CASK: variants seen among roughly 807,000 people sequenced by gnomAD.
CASK encodes the protein calcium/calmodulin dependent serine protein kinase, also known as peripheral plasma membrane protein CASK.
A neutral mutation model predicts 82.9 loss-of-function variants in CASK; 4 were observed. The observed-to-expected ratio is 0.05, with a 90% confidence interval of 0.02 to 0.11. The LOEUF (loss-of-function observed/expected upper bound fraction) is 0.11, where lower values mean the gene tolerates loss of function less well. Ranked by LOEUF, CASK falls within the 10% of genes least tolerant of loss-of-function variation. The pLI is 1.00. For missense variants in CASK, 358 were observed against 720.9 expected (o/e 0.50, Z 5.76); for synonymous variants, 259 against 253.5 (o/e 1.02, Z -0.20).
intron 1 of CASK, 123 bp from the exon 2 acceptor site, chrX:41,853,350 A>G (rs923382810): frequency 8.9e-5 from 36 of 404,941 alleles, no homozygotes; most frequent in Non-Finnish European, 9.8e-5. Flanking sequence ...TTAGACTCCA[A>G]ATTGAACACA....
chrX:41,668,825 C>G (rs930557240), intron 6 of CASK, among the ~76,000 whole-genome samples: 6 of 110,197 alleles, frequency 5.4e-5, no homozygotes, highest in Admixed American at 2.9e-4. Context: ...ACTGCAGCCT[C>G]TGCCTCCCGG....
At chrX:41,597,494 G>A (rs2065837298) in intron 12 of CASK, among the ~76,000 whole-genome samples, 1 of 112,485 alleles carries the variant, frequency 8.9e-6, no homozygotes, top group African/African-American at 3.2e-5. Context: ...TAATAACAGT[G>A]TGCACGGAAT....
intron 4 of CASK, chrX:41,743,810 T>C (rs1157869771): frequency 7.0e-6 from 2 of 287,637 alleles, no homozygotes; most frequent in East Asian, 9.7e-5. Context: ...TAAAAAGTTT[T>C]CATAAATCCT....
chrX:41,620,927 A>G lies in CASK; in HGVS notation c.1033+1690T>C, dbSNP rs1351973000. Among the ~76,000 whole-genome samples the G allele has an allele frequency of 3.6e-5, 4 of 111,970 alleles. No individual in the cohort carries two copies. The Admixed American group carries it at 3.8e-4, about 11-fold the overall frequency. ...ATTCTGTCAGCGTATAGATGTTATA[A>G]TCTCTAATGCCATTATGATTATTAA... On this transcript the variant is annotated intron_variant, in intron 11 of 26. Coordinates refer to ENST00000378163, the MANE Select transcript of CASK (RefSeq NM_001367721.1).
At chrX:41,872,192 G>A (rs760648053) in intron 1 of CASK, among the ~76,000 whole-genome samples, 18 of 112,783 alleles carry the variant, frequency 1.6e-4, no homozygotes, top group South Asian at 1.1e-3. Flanking sequence ...AATATTTACC[G>A]TCTGGCACTT....
intron 1 of CASK, among the ~76,000 whole-genome samples, chrX:41,906,765 T>C (rs1261491684): frequency 2.7e-5 from 3 of 112,669 alleles, no homozygotes; most frequent in African/African-American, 9.7e-5. Flanking sequence ...AATGAGGAGG[T>C]TGTTCAGATG....
At position 41,809,095 on chromosome X, in the gene CASK, C is replaced by T. The variant is rs752088154; in HGVS notation, c.173-21812G>A. Among the ~76,000 whole-genome samples, 24 of 112,352 alleles carry T rather than the reference C, an allele frequency of 2.1e-4. No individual in the cohort carries two copies. In the East Asian group the frequency reaches 5.9e-3, roughly 28 times the overall value. ...GTAGGTAAACAAAGCGGCCAGGAAG[C>T]TCAAACTGGGTGGAGCCCACCGCAG... On this transcript the variant is annotated intron_variant, in intron 2 of 26. Coordinates refer to ENST00000378163, the MANE Select transcript of CASK (RefSeq NM_001367721.1).
chrX:41,671,374 C>T lies in CASK; in HGVS notation c.532+54G>A, dbSNP rs2067195509. On this transcript the variant is annotated intron_variant, in intron 6 of 26. Coordinates refer to ENST00000378163, the MANE Select transcript of CASK (RefSeq NM_001367721.1). ...TAATATGTAGCTTGAAAGTTTTATA[C>T]CAGTCGCAAGTGACCAGGTTTTGAA... 2.5e-5 allele frequency: 18 copies of T among 728,163 alleles called. No individual in the cohort carries two copies. The South Asian group carries it at 3.9e-4, about 16-fold the overall frequency. 60.0% of individuals were successfully genotyped at this position (728,163 alleles called of 1,213,427 possible).
chrX:41,612,589 A>C (rs1362058154), intron 11 of CASK, among the ~76,000 whole-genome samples: 2 of 65,525 alleles, frequency 3.1e-5, no homozygotes, highest in East Asian at 6.1e-4. Context: ...GCCTCTGCCC[A>C]GCCGCCCCTA....
intron 16 of CASK, 141 bp downstream of exon 16, chrX:41,569,527 C>T: frequency 2.2e-6 from 1 of 449,861 alleles, no homozygotes; most frequent in Non-Finnish European, 3.9e-6. Flanking sequence ...GGATTGCTTG[C>T]ACTTAGGAGC....
chrX:41,878,070 C>T (rs866733608), intron 1 of CASK, among the ~76,000 whole-genome samples: 5 of 109,684 alleles, frequency 4.6e-5, no homozygotes, highest in East Asian at 2.8e-4. Flanking sequence ...GTGTTTTAAG[C>T]GAAATAAGTA....
chrX:41,900,047 G>GT lies in CASK; in HGVS notation c.59+22882dup, dbSNP rs749129389. Reference sequence around the variant, plus strand: ...ACATGGTTGGCAGGTTTTTTGTTTTGTTTTTTTTTTTTTTCTTTCAGCGCT... The same window carrying GT: ...ACATGGTTGGCAGGTTTTTTGTTTTGTTTTTTTTTTTTTTTCTTTCAGCGCT... On this transcript the variant is annotated intron_variant, in intron 1 of 26. Coordinates refer to ENST00000378163, the MANE Select transcript of CASK (RefSeq NM_001367721.1). 8.4e-3 allele frequency among the ~76,000 whole-genome samples: 771 copies of GT among 92,330 alleles called. 1 individual carries two copies. Among genetic ancestry groups the GT allele is most frequent in the African/African-American group, 0.021 (550 of 25,604 alleles). 80.2% of individuals were successfully genotyped at this position (92,330 alleles called of 115,157 possible). A position where few individuals can be genotyped will look rare whatever the true frequency, so the allele number is the denominator to read the frequency against.
chrX:41,737,827 T>C (rs1162443944), intron 5 of CASK, among the ~76,000 whole-genome samples: 1 of 112,837 alleles, frequency 8.9e-6, no homozygotes, highest in Non-Finnish European at 1.9e-5. Flanking sequence ...TTCTTGTATA[T>C]AGTTTAGAAT....
At chrX:41,859,262 G>T (rs1328428965) in intron 1 of CASK, among the ~76,000 whole-genome samples, 1 of 111,528 alleles carries the variant, frequency 9.0e-6, no homozygotes, top group Admixed American at 9.5e-5. Context: ...TGAAGGCCAA[G>T]AACAAATTTT....
chrX:41,548,682 T>C (rs768553166), intron 21 of CASK, among the ~76,000 whole-genome samples: 2 of 111,892 alleles, frequency 1.8e-5, no homozygotes, highest in South Asian at 7.5e-4. Context: ...ATATGTGCTA[T>C]TAGTCAGAAC....
At chrX:41,833,894 A>T (rs2070877459) in intron 2 of CASK, among the ~76,000 whole-genome samples, 1 of 111,063 alleles carries the variant, frequency 9.0e-6, no homozygotes, top group Admixed American at 9.5e-5. Context: ...GACTACAGGC[A>T]CATGCCACCA....
chrX:41,672,844 A>T (rs2067214675), intron 5 of CASK, among the ~76,000 whole-genome samples: 1 of 112,510 alleles, frequency 8.9e-6, no homozygotes, highest in South Asian at 3.7e-4. Flanking sequence ...GCATGACACA[A>T]AGTAGCAAGA....
intron 1 of CASK, among the ~76,000 whole-genome samples, chrX:41,879,670 A>C (rs1194678081): frequency 2.7e-5 from 3 of 111,782 alleles, no homozygotes; most frequent in African/African-American, 9.7e-5. Flanking sequence ...TCCCATTCTA[A>C]AAGTATTCGT....
chrX:41,626,972 GCA>G (rs1342742031), intron 9 of CASK, among the ~76,000 whole-genome samples: 1 of 111,920 alleles, frequency 8.9e-6, no homozygotes, highest in Non-Finnish European at 1.9e-5. Flanking sequence ...GGAATATTCT[GCA>G]GTTATTATAA....
Sources: gnomAD v4.1 joint callset for allele counts (sites outside exome capture counted in the v4.1 genomes callset) on GRCh38, gnomAD v4.1.1 for gene constraint, MANE v1.5 for transcripts, NCBI Gene and HGNC (gene_info 2026-07-23, HGNC 2026-07-21) for gene names.